Variants in PCYT1A observed in about 807,000 individuals in gnomAD.
The protein encoded by PCYT1A is choline-phosphate cytidylyltransferase A.
In PCYT1A, 25 loss-of-function variants were observed where a neutral mutation model predicts 43.7. That is an observed-to-expected ratio of 0.57 (90% CI 0.42 to 0.80). The LOEUF is 0.80. Among genes scored for constraint, PCYT1A ranks in the 30% least tolerant of loss-of-function variants. The pLI is 0.00. For missense variants in PCYT1A, 421 were observed against 474.2 expected (o/e 0.89, Z 1.04); for synonymous variants, 172 against 170.7 (o/e 1.01, Z -0.06).
In PCYT1A at chr3:196,268,630, A is replaced by G. The variant is rs930469762; in HGVS notation, c.117+1785T>C. 6.6e-6 allele frequency among the ~76,000 whole-genome samples: 1 copy of G among 151,924 alleles called. No homozygotes were observed. The highest frequency in any genetic ancestry group is 1.5e-5 in the Non-Finnish European group (1 of 67,988). ...CAAGACCCTTACTCTAAAAATAAAA[A>G]TAAAAATAAAAATAGTAAGCCAGGC... On this transcript the variant is annotated intron_variant, in intron 2 of 8. Transcript: ENST00000431016. This position sits in a 1 kb window ranked among gnomAD's most constrained non-coding sequence, Gnocchi z 4.4.
chr3:196,238,453 G>T lies in PCYT1A; in HGVS notation c.*235C>A, dbSNP rs1385045667. ...AGTGAAACAAAGCCCTTGGGGGGGGGTAAATGGATGCAGAGCAGGCTTCTA... is the reference window on the plus strand; with the variant it reads ...AGTGAAACAAAGCCCTTGGGGGGGGTTAAATGGATGCAGAGCAGGCTTCTA... On this transcript the variant is annotated 3_prime_UTR_variant, in exon 9 of 9. Transcript: ENST00000431016. The T allele has an allele frequency of 1.9e-5, 7 of 365,926 alleles. No individual in the cohort carries two copies. The highest frequency in any genetic ancestry group is 2.9e-5 in the Non-Finnish European group (6 of 204,472). 22.7% of individuals were successfully genotyped at this position (365,926 alleles called of 1,614,324 possible). A position where few individuals can be genotyped will look rare whatever the true frequency, so the allele number is the denominator to read the frequency against.
Position 196,238,796 on chromosome 3 carries a change from G to C in PCYT1A, c.996C>G (p.Pro332=), listed in dbSNP as rs61737911. 642 of 1,584,194 alleles carry C rather than the reference G, an allele frequency of 4.1e-4. 8 individuals carry two copies. The African/African-American group carries it at 6.7e-3, about 17-fold the overall frequency. The change falls in exon 9 of 9, where the codon CCC becomes CCG. Residue 332 remains proline (P), a synonymous_variant. Transcript: ENST00000431016. ...SSPTRERSPS[P]SFRWPFSGKT... ...TGCCGGAGAAGGGCCATCGGAAAGA[G>C]GGGGAGGGGGAGCGCTCGCGAGTAG... is the stretch of plus-strand genomic sequence containing the variant.
At chr3:196,258,535 T>C (rs903684443) in intron 2 of PCYT1A, among the ~76,000 whole-genome samples, 5 of 152,164 alleles carry the variant, frequency 3.3e-5, no homozygotes, top group African/African-American at 1.2e-4. Flanking sequence ...TAGCATTTTC[T>C]ACATATAATA....
chr3:196,254,447 C>T (rs966153746), intron 3 of PCYT1A, among the ~76,000 whole-genome samples: 2 of 152,074 alleles, frequency 1.3e-5, no homozygotes, highest in African/African-American at 2.4e-5. Flanking sequence ...ACCTCCTGGG[C>T]TCAAACAATC....
At chr3:196,267,758 G>T (rs149079411) in intron 2 of PCYT1A, among the ~76,000 whole-genome samples, 10 of 152,152 alleles carry the variant, frequency 6.6e-5, no homozygotes, top group African/African-American at 1.9e-4. Flanking sequence ...TCATGGTGAT[G>T]GTTGCACAAC....
Position 196,243,633 on chromosome 3 carries a change from G to C in PCYT1A, c.487-993C>G, listed in dbSNP as rs555814385. Among the ~76,000 whole-genome samples, 1,015 of 152,206 alleles carry C rather than the reference G, an allele frequency of 6.7e-3. 9 individuals carry two copies. Among genetic ancestry groups the C allele is most frequent in the Non-Finnish European group, 0.011 (743 of 68,006 alleles). On this transcript the variant is annotated intron_variant, in intron 5 of 8. Transcript: ENST00000431016. ...CATCTCTGCTCACTGCAACCTCCCT[G>C]CCTGATTCTCCTGCCTCAGCCTGCC...
At chr3:196,264,110 C>T (rs770329527) in intron 2 of PCYT1A, among the ~76,000 whole-genome samples, 2 of 152,148 alleles carry the variant, frequency 1.3e-5, no homozygotes, top group African/African-American at 2.4e-5. Flanking sequence ...TGCTTTTCCT[C>T]CTGGTATTTC....
At chr3:196,254,119 C>G (rs1034173812) in intron 3 of PCYT1A, among the ~76,000 whole-genome samples, 1 of 150,956 alleles carries the variant, frequency 6.6e-6, no homozygotes, top group Non-Finnish European at 1.5e-5. Flanking sequence ...CTCTGCCTCC[C>G]AGGCTCAAGT....
At chr3:196,257,664 C>A in intron 3 of PCYT1A, 124 bp downstream of exon 3, 1 of 597,638 alleles carries the variant, frequency 1.7e-6, no homozygotes, top group Non-Finnish European at 3.0e-6. Flanking sequence ...GAGAAGAACC[C>A]CTTCGCTGCT....
At chr3:196,265,197 G>A (rs1312004465) in intron 2 of PCYT1A, among the ~76,000 whole-genome samples, 1 of 151,826 alleles carries the variant, frequency 6.6e-6, no homozygotes, top group Non-Finnish European at 1.5e-5. Flanking sequence ...CTGAGTAGCT[G>A]GGATTACAGG....
At chr3:196,270,712 C>T (rs2108777863) in intron 1 of PCYT1A, among the ~76,000 whole-genome samples, 171 bp from the exon 2 acceptor site, 1 of 152,336 alleles carries the variant, frequency 6.6e-6, no homozygotes, top group South Asian at 2.1e-4. Context: ...CTTCACAAAA[C>T]ACAGGCTCTA....
At chr3:196,275,377 C>A (rs1327502665) in intron 1 of PCYT1A, among the ~76,000 whole-genome samples, 1 of 152,082 alleles carries the variant, frequency 6.6e-6, no homozygotes, top group African/African-American at 2.4e-5. Flanking sequence ...ATGGTGGTTA[C>A]AAGAGATGGA....
intron 7 of PCYT1A, among the ~76,000 whole-genome samples, chr3:196,240,252 C>A (rs534357457): frequency 9.2e-5 from 14 of 152,024 alleles, no homozygotes; most frequent in Non-Finnish European, 1.9e-4. Flanking sequence ...GTGTTTTTTG[C>A]TTTTTGTTCC....
At chr3:196,254,413 C>T (rs1022894202) in intron 3 of PCYT1A, among the ~76,000 whole-genome samples, 2 of 151,836 alleles carry the variant, frequency 1.3e-5, no homozygotes, top group Non-Finnish European at 2.9e-5. Context: ...TGCAGTGGTG[C>T]AATCATGACT....
At chr3:196,250,377 TGCTGAG>T (rs1183936606) in intron 3 of PCYT1A, among the ~76,000 whole-genome samples, 24 of 149,636 alleles carry the variant, frequency 1.6e-4, no homozygotes, top group African/African-American at 5.2e-4. Context: ...AGATACACTA[TGCTGAG>T]GCTGAGGACC....
intron 2 of PCYT1A, among the ~76,000 whole-genome samples, chr3:196,264,585 G>A (rs1725212572): frequency 6.6e-6 from 1 of 152,014 alleles, no homozygotes; most frequent in Non-Finnish European, 1.5e-5. Context: ...CCTACCTCTT[G>A]GTCAAAGTCA....
chr3:196,250,989 T>G (rs1724754474), intron 3 of PCYT1A, among the ~76,000 whole-genome samples: 2 of 144,028 alleles, frequency 1.4e-5, no homozygotes, highest in Non-Finnish European at 3.0e-5. Context: ...AGATACCCTA[T>G]GCTGAGGCTG....
At chr3:196,267,090 A>G (rs975412563) in intron 2 of PCYT1A, among the ~76,000 whole-genome samples, 2 of 151,618 alleles carry the variant, frequency 1.3e-5, no homozygotes, top group African/African-American at 2.4e-5. Flanking sequence ...GAGACAGGAG[A>G]ATCACTTGAA....
At position 196,280,167 on chromosome 3, in the gene PCYT1A, C is replaced by T. The variant is rs890766967; in HGVS notation, c.-11+7448G>A. ...TTCTATTCAACTTCCTTATTGCAAA[C>T]AGACCTACCAAGGGAAAGAGGAGTT... On this transcript the variant is annotated intron_variant, in intron 1 of 8. Transcript: ENST00000431016. Among the ~76,000 whole-genome samples the T allele has an allele frequency of 9.2e-5, 14 of 152,238 alleles. No homozygotes were observed. The East Asian group carries it at 2.7e-3, about 29-fold the overall frequency.
Sources: allele counts gnomAD v4.1 joint callset (sites outside exome capture counted in the v4.1 genomes callset), GRCh38; gene constraint gnomAD v4.1.1; non-coding constraint Gnocchi (gnomAD v3.1); transcripts MANE v1.5; gene names NCBI Gene and HGNC (gene_info 2026-07-23, HGNC 2026-07-21).